Variants in SLC30A4 observed in about 807,000 individuals in gnomAD.
The protein encoded by SLC30A4 is probable proton-coupled zinc antiporter SLC30A4.
In SLC30A4, 20 loss-of-function variants were observed where a neutral mutation model predicts 41.7. The ratio of observed to expected loss-of-function variants is 0.48; its 90% CI spans 0.34 to 0.70. The LOEUF is 0.70. Among genes scored for constraint, SLC30A4 ranks in the 30% least tolerant of loss-of-function variants. The pLI, the probability that SLC30A4 is intolerant of heterozygous loss-of-function variation, is 0.01. For missense variants in SLC30A4, 441 were observed against 529.3 expected (o/e 0.83, Z 1.64); for synonymous variants, 181 against 195.9 (o/e 0.92, Z 0.64).
chr15:45,487,730 T>C, intron 5 of SLC30A4, 98 bp from the exon 6 acceptor site: 2 of 631,692 alleles, frequency 3.2e-6, no homozygotes, highest in Non-Finnish European at 5.8e-6. Flanking sequence ...TTGATTTTCT[T>C]TAGCAGAATT....
intron 3 of SLC30A4, among the ~76,000 whole-genome samples, chr15:45,507,268 C>T (rs561730730): frequency 2.7e-5 from 4 of 150,704 alleles, no homozygotes; most frequent in South Asian, 2.1e-4. Context: ...TGCAGTAAGC[C>T]GAGACCGCGC....
At chr15:45,513,913 C>G (rs867354730) in intron 2 of SLC30A4, 2 of 152,390 alleles carry the variant, frequency 1.3e-5, no homozygotes, top group Non-Finnish European at 2.9e-5. Context: ...CAGCCCCCAT[C>G]TTCCCATGCT....
In SLC30A4 at chr15:45,485,275, G is replaced by A. The variant is rs367913793; in HGVS notation, c.1178C>T (p.Ala393Val). 3 of 1,611,210 alleles carry A rather than the reference G, an allele frequency of 1.9e-6. No homozygotes were observed. The highest frequency in any genetic ancestry group is 2.5e-6 in the Non-Finnish European group (3 of 1,178,344). ...AAATGTGTTCAATAATAAATGGTTT[G>A]CTTTGGACTGTACTTCCTCCCATTT... ...SSKWEEVQSK[A>V]NHLLLNTFGM... Residue 393 changes from alanine (A) to valine (V), a missense_variant, in exon 8 of 8, where the codon GCA (alanine) becomes GTA (valine). Ala to Val is a moderately conservative substitution (Grantham distance 64, BLOSUM62 0). Coordinates refer to ENST00000261867, the MANE Select transcript of SLC30A4 (RefSeq NM_013309.6).
chr15:45,492,795 G>C (rs994272612), intron 3 of SLC30A4, among the ~76,000 whole-genome samples: 1 of 152,052 alleles, frequency 6.6e-6, no homozygotes, highest in African/African-American at 2.4e-5. Flanking sequence ...ATCTCCAGAA[G>C]GATTATACAA....
At chr15:45,507,884 C>A (rs757614101) in intron 3 of SLC30A4, among the ~76,000 whole-genome samples, 7 of 152,122 alleles carry the variant, frequency 4.6e-5, no homozygotes, top group Non-Finnish European at 8.8e-5. Context: ...GTTTTTCCCA[C>A]ATGCTGGAAG....
chr15:45,511,720 C>G (rs8040466), intron 2 of SLC30A4, among the ~76,000 whole-genome samples: 31,395 of 152,146 alleles, frequency 0.21, 4,744 homozygotes, highest in African/African-American at 0.43. Flanking sequence ...CTGACCTCAA[C>G]TGATCCACTC....
intron 2 of SLC30A4, among the ~76,000 whole-genome samples, chr15:45,520,621 A>G (rs1175967998): frequency 6.6e-6 from 1 of 152,216 alleles, no homozygotes; most frequent in African/African-American, 2.4e-5. Flanking sequence ...ACTGGCCAAG[A>G]AAAGATTTGG....
intron 3 of SLC30A4, among the ~76,000 whole-genome samples, chr15:45,509,812 A>T (rs991083644): frequency 2.0e-5 from 3 of 152,044 alleles, no homozygotes; most frequent in African/African-American, 7.2e-5. Flanking sequence ...TAATCCCAGC[A>T]CTCTGGGAGG....
intron 2 of SLC30A4, chr15:45,513,952 C>T (rs34400095): frequency 0.034 from 5,113 of 152,534 alleles, 165 homozygotes; most frequent in Non-Finnish European, 0.052. Context: ...ACTAACACTG[C>T]GGCTTCCTGA....
At chr15:45,494,005 A>G (rs1245489983) in intron 3 of SLC30A4, among the ~76,000 whole-genome samples, 1 of 152,206 alleles carries the variant, frequency 6.6e-6, no homozygotes, top group African/African-American at 2.4e-5. Flanking sequence ...AAGCTGAAAA[A>G]GAGAAAAGAC....
At chr15:45,488,066 C>T (rs992992359) in intron 5 of SLC30A4, among the ~76,000 whole-genome samples, 4 of 151,880 alleles carry the variant, frequency 2.6e-5, no homozygotes, top group Non-Finnish European at 5.9e-5. Flanking sequence ...GGATTATAGG[C>T]ACAGCCACTG....
At chr15:45,497,890 T>C (rs1448140803) in intron 3 of SLC30A4, among the ~76,000 whole-genome samples, 1 of 152,206 alleles carries the variant, frequency 6.6e-6, no homozygotes, top group Non-Finnish European at 1.5e-5. Flanking sequence ...CCACCTATAC[T>C]ATTATTCATT....
At chr15:45,488,761 A>G (rs1397754684) in intron 5 of SLC30A4, 80 bp downstream of exon 5, 7 of 1,085,228 alleles carry the variant, frequency 6.5e-6, no homozygotes, top group Admixed American at 5.2e-5. Context: ...GGTGTCCAGT[A>G]TACTGATATG....
intron 3 of SLC30A4, among the ~76,000 whole-genome samples, chr15:45,501,322 T>C (rs1039487185): frequency 6.6e-6 from 1 of 151,828 alleles, no homozygotes; most frequent in Non-Finnish European, 1.5e-5. Context: ...AAAAAAATTA[T>C]GGAAAAATGT....
intron 2 of SLC30A4, chr15:45,519,445 C>G (rs568330157): frequency 6.6e-5 from 10 of 152,258 alleles, no homozygotes; most frequent in Admixed American, 5.9e-4. Flanking sequence ...ACCATGTTGG[C>G]CAGTCTGCTT....
intron 3 of SLC30A4, among the ~76,000 whole-genome samples, chr15:45,494,539 G>C (rs1184570633): frequency 3.3e-5 from 5 of 152,044 alleles, no homozygotes; most frequent in Non-Finnish European, 7.4e-5. Context: ...ACAAAAATTA[G>C]CTGGGCATGG....
In SLC30A4 at chr15:45,522,590, G is replaced by A. The variant is rs1595536048; in HGVS notation, c.-115+17C>T. Reference sequence around the variant, plus strand: ...TCCGCCGGGGCTCCGCGAGGGGGCGGCACATCTATTTAATACCTGGGGCGC... The same window carrying A: ...TCCGCCGGGGCTCCGCGAGGGGGCGACACATCTATTTAATACCTGGGGCGC... On this transcript the variant is annotated intron_variant, in intron 1 of 7. Coordinates refer to ENST00000261867, the MANE Select transcript of SLC30A4 (RefSeq NM_013309.6). 6.4e-6 allele frequency: 3 copies of A among 469,362 alleles called. No individual in the cohort carries two copies. The highest frequency in any genetic ancestry group is 4.1e-5 in the African/African-American group (2 of 48,926). 29.1% of individuals were successfully genotyped at this position (469,362 alleles called of 1,614,324 possible). A position where few individuals can be genotyped will look rare whatever the true frequency, so the allele number is the denominator to read the frequency against.
At chr15:45,521,346 A>T (rs1029500629) in intron 2 of SLC30A4, among the ~76,000 whole-genome samples, 1 of 152,214 alleles carries the variant, frequency 6.6e-6, no homozygotes, top group Non-Finnish European at 1.5e-5. Flanking sequence ...CGAGGCAAAA[A>T]TTTCATGTTA....
In SLC30A4 at chr15:45,480,750, T is replaced by C. The variant is rs950695516; in HGVS notation, c.*4413A>G. The stretch of plus-strand genomic sequence containing the variant: ...TTAACATATATGCATAAAAGGAAAA[T>C]AGATTTAGCTAACTGCTTGTTTCAA... On this transcript the variant is annotated 3_prime_UTR_variant, in exon 8 of 8. Coordinates refer to ENST00000261867, the MANE Select transcript of SLC30A4 (RefSeq NM_013309.6). The C allele has an allele frequency of 4.0e-5, 6 of 151,070 alleles. No homozygotes were observed. The highest frequency in any genetic ancestry group is 8.8e-5 in the Non-Finnish European group (6 of 68,006). The allele number at this position is 151,070 out of a possible 1,614,324, so 9.4% of individuals were successfully genotyped here. A position where few individuals can be genotyped will look rare whatever the true frequency, so the allele number is the denominator to read the frequency against.
Sources: allele counts gnomAD v4.1 joint callset (sites outside exome capture counted in the v4.1 genomes callset), GRCh38; gene constraint gnomAD v4.1.1; transcripts MANE v1.5; gene names NCBI Gene and HGNC (gene_info 2026-07-23, HGNC 2026-07-21).